The following ARHGAP28 variants were observed in gnomAD, a reference collection of about 807,000 sequenced individuals.
ARHGAP28 encodes the protein Rho GTPase activating protein 28.
In ARHGAP28, 56 loss-of-function variants were observed where a neutral mutation model predicts 90.7. That is an observed-to-expected ratio of 0.62 (90% CI 0.50 to 0.77). The LOEUF (loss-of-function observed/expected upper bound fraction) is 0.77, where lower values mean the gene tolerates loss of function less well. Among genes scored for constraint, ARHGAP28 ranks in the 30% least tolerant of loss-of-function variants. The pLI is 0.00. For synonymous variants in ARHGAP28, 308 were observed against 323.3 expected (o/e 0.95, Z 0.51); for missense variants, 869 against 900.9 (o/e 0.96, Z 0.45).
At chr18:6,783,445 GCA>G (rs2056341971) in intron 1 of ARHGAP28, among the ~76,000 whole-genome samples, 1 of 144,104 alleles carries the variant, frequency 6.9e-6, no homozygotes, top group African/African-American at 2.9e-5. Context: ...GGGATTACAG[GCA>G]TGTGCCACCA....
chr18:6,824,876 G>A lies in ARHGAP28; in HGVS notation c.237G>A (p.Glu79=), dbSNP rs1020143171. The change falls in exon 2 of 18, where the codon GAG becomes GAA. Residue 79 remains glutamate, a synonymous_variant. Transcript: ENST00000383472. ...SEASVDSASM[E]DFWREIESIK... ...CCTCCGTAGACAGCGCCTCCATGGA[G>A]GATTTCTGGCGGGAAATAGAAAGTA... The A allele has an allele frequency of 6.5e-7, 1 of 1,536,284 alleles. No homozygotes were observed. The highest frequency in any genetic ancestry group is 8.7e-7 in the Non-Finnish European group (1 of 1,146,940).
chr18:6,791,271 C>T (rs1428399415), intron 1 of ARHGAP28: 1 of 152,104 alleles, frequency 6.6e-6, no homozygotes, highest in Admixed American at 6.6e-5. Flanking sequence ...CTCTCCTTTC[C>T]ATGTTCCTCT....
chr18:6,886,832 G>T (rs2057225268), intron 11 of ARHGAP28, among the ~76,000 whole-genome samples: 1 of 152,132 alleles, frequency 6.6e-6, no homozygotes, highest in South Asian at 2.1e-4. Flanking sequence ...CTTGTATTGA[G>T]TGAGCTTCAC....
intron 5 of ARHGAP28, among the ~76,000 whole-genome samples, chr18:6,864,251 A>C (rs2057020894): frequency 1.3e-5 from 2 of 151,962 alleles, no homozygotes; most frequent in East Asian, 3.9e-4. Flanking sequence ...TTTTTAGTAG[A>C]GACTGGGTTT....
chr18:6,764,922 A>G (rs2056188770), intron 1 of ARHGAP28, among the ~76,000 whole-genome samples: 1 of 152,218 alleles, frequency 6.6e-6, no homozygotes, highest in South Asian at 2.1e-4. Flanking sequence ...TTTAAACCAA[A>G]TGACCAATAC....
intron 1 of ARHGAP28, among the ~76,000 whole-genome samples, chr18:6,766,273 C>T (rs1253693349): frequency 2.0e-5 from 3 of 152,150 alleles, no homozygotes; most frequent in East Asian, 1.9e-4. Context: ...TATTTTGAAG[C>T]ACTGTGTCTC....
chr18:6,837,282 G>T lies in ARHGAP28; in HGVS notation c.411G>T (p.Leu137Phe). Residue 137 changes from leucine to phenylalanine, a missense_variant, in exon 3 of 18, where the codon TTG becomes TTT. Transcript: ENST00000383472. ...SGDEEEDGKALLSTLTRTQAA... is the reference protein window; with the variant it reads ...SGDEEEDGKAFLSTLTRTQAA... The stretch of plus-strand genomic sequence containing the variant: ...ATGAAGAGGAAGATGGCAAAGCCTT[G>T]CTCTCCACATTGACTCGAACCCAAG... 1.9e-6 allele frequency: 3 copies of T among 1,610,376 alleles called. No homozygotes were observed. Among genetic ancestry groups the T allele is most frequent in the Non-Finnish European group, 2.5e-6 (3 of 1,178,504 alleles).
chr18:6,832,610 C>A (rs893874175), intron 2 of ARHGAP28, among the ~76,000 whole-genome samples: 4 of 152,012 alleles, frequency 2.6e-5, no homozygotes, highest in East Asian at 1.9e-4. Flanking sequence ...ATGATTGTTA[C>A]TCCTTGTTGA....
Position 6,901,818 on chromosome 18 carries a change from TTC to T in ARHGAP28, c.2030+5197_2030+5198del, listed in dbSNP as rs1330822809. ...GGGTAGCTTAAAAGGTGGAAATGTA[TTC>T]TCTCATAATTCAGGAGTCCAGAAGT... On this transcript the variant is annotated intron_variant, in intron 16 of 17. Transcript: ENST00000383472. Among the ~76,000 whole-genome samples, 6 of 152,170 alleles carry T rather than the reference TTC, an allele frequency of 3.9e-5. No homozygotes were observed. In the East Asian group the frequency reaches 9.7e-4, roughly 24 times the overall value.
chr18:6,892,028 A>G (rs1157020696), intron 14 of ARHGAP28, among the ~76,000 whole-genome samples: 1 of 152,182 alleles, frequency 6.6e-6, no homozygotes, highest in Admixed American at 6.5e-5. Flanking sequence ...GAAAGACTGT[A>G]TTCTCTGACT....
chr18:6,804,941 A>G (rs559480904), intron 1 of ARHGAP28, among the ~76,000 whole-genome samples: 1 of 152,342 alleles, frequency 6.6e-6, no homozygotes, highest in Admixed American at 6.5e-5. Context: ...CTTATTTAGT[A>G]TCTACCTGTT....
rs542447958 is a variant in ARHGAP28, at chr18:6,841,555, A to G, written c.543+4141A>G. 2.0e-5 allele frequency among the ~76,000 whole-genome samples: 3 copies of G among 151,998 alleles called. No individual in the cohort carries two copies. The South Asian group carries it at 6.2e-4, about 32-fold the overall frequency. ...TATTTATCTATAAATTCAGTAATTT[A>G]GAAAATAGATATGTAGATTATGCTG... On this transcript the variant is annotated intron_variant, in intron 3 of 17. Coordinates refer to ENST00000383472, the MANE Select transcript of ARHGAP28 (RefSeq NM_001366230.1).
intron 3 of ARHGAP28, among the ~76,000 whole-genome samples, chr18:6,841,903 G>A: frequency 6.6e-6 from 1 of 152,104 alleles, no homozygotes. Flanking sequence ...ACAAGTATTT[G>A]TTTGTTCACT....
chr18:6,749,614 A>G (rs2056052970), intron 1 of ARHGAP28, among the ~76,000 whole-genome samples: 1 of 152,168 alleles, frequency 6.6e-6, no homozygotes, highest in Non-Finnish European at 1.5e-5. Flanking sequence ...TCCATATAAT[A>G]TGTGGCATTA....
intron 1 of ARHGAP28, among the ~76,000 whole-genome samples, chr18:6,776,690 T>C (rs537948760): frequency 1.0e-3 from 156 of 152,332 alleles, no homozygotes; most frequent in Middle Eastern, 3.4e-3. Context: ...ACATCTTAGT[T>C]ATGATGGTGA....
chr18:6,817,654 C>T (rs2056600566), intron 1 of ARHGAP28, among the ~76,000 whole-genome samples: 1 of 152,160 alleles, frequency 6.6e-6, no homozygotes, highest in Non-Finnish European at 1.5e-5. Flanking sequence ...AATATCAAGG[C>T]CAATTGCTAC....
intron 1 of ARHGAP28, among the ~76,000 whole-genome samples, chr18:6,760,011 C>T (rs903106372): frequency 5.9e-5 from 9 of 152,112 alleles, no homozygotes; most frequent in Non-Finnish European, 1.3e-4. Flanking sequence ...AAAACATTTG[C>T]AGCAGGAGTT....
At chr18:6,911,769 A>G (rs1308191905) in intron 17 of ARHGAP28, among the ~76,000 whole-genome samples, 6 of 152,138 alleles carry the variant, frequency 3.9e-5, no homozygotes, top group South Asian at 2.1e-4. Context: ...GCCATGAAGC[A>G]AGGGAACAAT....
chr18:6,760,166 T>A (rs558265225), intron 1 of ARHGAP28, among the ~76,000 whole-genome samples: 1 of 152,102 alleles, frequency 6.6e-6, no homozygotes, highest in African/African-American at 2.4e-5. Flanking sequence ...AACAGATAGG[T>A]TTTTTCCGCT....
Sources: gnomAD v4.1 joint callset for allele counts (sites outside exome capture counted in the v4.1 genomes callset) on GRCh38, gnomAD v4.1.1 for gene constraint, MANE v1.5 for transcripts, NCBI Gene and HGNC (gene_info 2026-07-23, HGNC 2026-07-21) for gene names.